Variants in RALGAPA2 observed in about 807,000 individuals in gnomAD.
The protein encoded by RALGAPA2 is Ral GTPase activating protein catalytic subunit alpha 2.
In RALGAPA2, 139 loss-of-function variants were observed where a neutral mutation model predicts 230.4. The observed-to-expected ratio is 0.60, with a 90% confidence interval of 0.53 to 0.69. The LOEUF (loss-of-function observed/expected upper bound fraction) is 0.69, where lower values mean the gene tolerates loss of function less well. Ranked by LOEUF, RALGAPA2 falls within the 30% of genes least tolerant of loss-of-function variation. The pLI, the probability that RALGAPA2 is intolerant of heterozygous loss-of-function variation, is 0.00. For synonymous variants in RALGAPA2, 847 were observed against 837.8 expected (o/e 1.01, Z -0.19); for missense variants, 2,163 against 2,276.0 (o/e 0.95, Z 1.01).
intron 38 of RALGAPA2, among the ~76,000 whole-genome samples, chr20:20,410,218 T>A (rs115381078): frequency 3.9e-5 from 6 of 152,370 alleles, no homozygotes; most frequent in African/African-American, 1.4e-4. Flanking sequence ...AGAATCTCAC[T>A]CATTTCTATT....
chr20:20,419,120 A>G lies in RALGAPA2; in HGVS notation c.5496-6972T>C, dbSNP rs147235187. On this transcript the variant is annotated intron_variant, in intron 37 of 39. Coordinates refer to ENST00000202677, the MANE Select transcript of RALGAPA2 (RefSeq NM_020343.4). ...ATGTAGGAAATGATAAAGAGCAAGG[A>G]AATAATAACCTGGGATTACCTCTGG... Among the ~76,000 whole-genome samples the G allele has an allele frequency of 2.9e-4, 44 of 152,320 alleles. 1 individual carries two copies. The East Asian group carries it at 7.5e-3, about 26-fold the overall frequency.
At chr20:20,602,813 C>T (rs1048922658) in intron 15 of RALGAPA2, among the ~76,000 whole-genome samples, 7 of 147,676 alleles carry the variant, frequency 4.7e-5, no homozygotes, top group Non-Finnish European at 6.0e-5. Context: ...GAATGGCAGG[C>T]GTGTGTGTGT....
intron 27 of RALGAPA2, among the ~76,000 whole-genome samples, chr20:20,528,414 G>A (rs965063900): frequency 6.6e-6 from 1 of 152,148 alleles, no homozygotes; most frequent in African/African-American, 2.4e-5. Context: ...GTATTGGCAG[G>A]GTGAGTGTGT....
intron 4 of RALGAPA2, among the ~76,000 whole-genome samples, chr20:20,646,899 T>A (rs1056854717): frequency 9.6e-4 from 5 of 5,184 alleles, no homozygotes; most frequent in Non-Finnish European, 2.1e-3. Context: ...TATGTACTTT[T>A]AATTTTTTTT....
intron 20 of RALGAPA2, among the ~76,000 whole-genome samples, chr20:20,578,788 T>C (rs1450660878): frequency 2.0e-5 from 3 of 152,212 alleles, no homozygotes; most frequent in African/African-American, 7.2e-5. Context: ...AGGCCTGGCC[T>C]GGATGTCAAT....
chr20:20,391,093 G>C lies in RALGAPA2; in HGVS notation c.*2196C>G, dbSNP rs550235610. ...AGCAATTCCGCAACAGGAGTTTCTA[G>C]AGCCTGAAGATGAAACGTTCTCCCA... On this transcript the variant is annotated 3_prime_UTR_variant, in exon 40 of 40. Coordinates refer to ENST00000202677, the MANE Select transcript of RALGAPA2 (RefSeq NM_020343.4). The C allele has an allele frequency of 6.6e-6, 1 of 152,322 alleles. No individual in the cohort carries two copies. The highest frequency in any genetic ancestry group is 2.1e-4 in the South Asian group (1 of 4,820). 9.4% of individuals were successfully genotyped at this position (152,322 alleles called of 1,614,324 possible). A position where few individuals can be genotyped will look rare whatever the true frequency, so the allele number is the denominator to read the frequency against.
At chr20:20,447,653 G>A (rs954888988) in intron 37 of RALGAPA2, among the ~76,000 whole-genome samples, 4 of 150,626 alleles carry the variant, frequency 2.7e-5, no homozygotes, top group African/African-American at 9.8e-5. Context: ...TTTTAACTAG[G>A]TCAAACAGTC....
At chr20:20,558,602 G>C (rs2064159815) in intron 23 of RALGAPA2, among the ~76,000 whole-genome samples, 1 of 152,204 alleles carries the variant, frequency 6.6e-6, no homozygotes, top group Non-Finnish European at 1.5e-5. Flanking sequence ...TGGGCATGGG[G>C]TGTAAGGGAG....
At chr20:20,591,010 G>T (rs2065272688) in intron 17 of RALGAPA2, among the ~76,000 whole-genome samples, 167 bp downstream of exon 17, 3 of 152,080 alleles carry the variant, frequency 2.0e-5, no homozygotes, top group Admixed American at 2.0e-4. Context: ...GGTTTAAATA[G>T]TGCAAATATT....
chr20:20,431,171 T>C (rs1268169398), intron 37 of RALGAPA2, among the ~76,000 whole-genome samples: 1 of 152,096 alleles, frequency 6.6e-6, no homozygotes, highest in East Asian at 1.9e-4. Flanking sequence ...GAAAACATCA[T>C]GGGGCATTTC....
intron 38 of RALGAPA2, among the ~76,000 whole-genome samples, chr20:20,402,325 T>TA (rs1293883198): frequency 6.6e-6 from 1 of 151,986 alleles, no homozygotes. Context: ...TTTGTAAGAG[T>TA]AAAAAAAGCT....
At chr20:20,640,925 G>GA (rs1335145725) in intron 5 of RALGAPA2, 47 bp from the exon 6 acceptor site, 1 of 1,479,978 alleles carries the variant, frequency 6.8e-7, no homozygotes, top group South Asian at 1.2e-5. Context: ...TGTATTTACA[G>GA]AAATGCATTA....
In RALGAPA2 at chr20:20,629,347, A is replaced by T; in HGVS notation, c.1233+16T>A. 1 of 1,524,274 alleles carries T rather than the reference A, an allele frequency of 6.6e-7. No individual in the cohort carries two copies. Among genetic ancestry groups the T allele is most frequent in the South Asian group, 1.2e-5 (1 of 84,752 alleles). The allele number at this position is 1,524,274 out of a possible 1,614,324, so 94.4% of individuals were successfully genotyped here. ...CACACACACACACACACACACACAC[A>T]CACACACACACTAACCTGGTGAAAT... On this transcript the variant is annotated intron_variant, in intron 10 of 39. Transcript: ENST00000202677.
At chr20:20,676,682 T>A (rs1178242501) in intron 2 of RALGAPA2, among the ~76,000 whole-genome samples, 2 of 152,164 alleles carry the variant, frequency 1.3e-5, no homozygotes, top group African/African-American at 4.8e-5. Context: ...AAGTAGTATA[T>A]CTTTTGGGGC....
intron 27 of RALGAPA2, among the ~76,000 whole-genome samples, chr20:20,531,265 A>G (rs1028331986): frequency 3.3e-5 from 5 of 152,236 alleles, no homozygotes; most frequent in Non-Finnish European, 7.3e-5. Context: ...AACAAAACAA[A>G]GAAACAAAGA....
intron 37 of RALGAPA2, among the ~76,000 whole-genome samples, chr20:20,420,949 T>G (rs545497292): frequency 6.6e-6 from 1 of 152,194 alleles, no homozygotes; most frequent in Admixed American, 6.5e-5. Flanking sequence ...GTATAGAGGA[T>G]GCACAAGAAA....
In RALGAPA2 at chr20:20,571,557, G is replaced by A. The variant is rs757677559; in HGVS notation, c.3057C>T (p.Ile1019=). ...KEGKLQAYRL[I]CAMMTRRQDV... The stretch of plus-strand genomic sequence containing the variant: ...CCTGGCGTCTGGTCATCATGGCACA[G>A]ATCAGCCTGTAGGCTTGTAGTTTGC... The change falls in exon 23 of 40, where the codon ATC becomes ATT. Residue 1019 remains isoleucine, a synonymous_variant. Coordinates refer to ENST00000202677, the MANE Select transcript of RALGAPA2 (RefSeq NM_020343.4). The A allele has an allele frequency of 6.2e-7, 1 of 1,612,434 alleles. No homozygotes were observed. The highest frequency in any genetic ancestry group is 1.1e-5 in the South Asian group (1 of 90,684).
rs1473841290 is a variant in RALGAPA2, at chr20:20,611,343, G to A, written c.1772C>T (p.Ala591Val). 6.2e-7 allele frequency: 1 copy of A among 1,613,096 alleles called. No individual in the cohort carries two copies. The highest frequency in any genetic ancestry group is 8.5e-7 in the Non-Finnish European group (1 of 1,179,356). The change falls in exon 14 of 40, where the codon GCC (alanine) becomes GTC (valine). Residue 591 changes from alanine to valine, a missense_variant. Transcript: ENST00000202677. ...AAATAGTAACCCTGCCAAGCTCTGG[G>A]CAAACAAGTCCTTTATTTGTTTATC... ...PKDKQIKDLF[A>V]QSLAGLLFRT...
At chr20:20,672,569 A>C (rs762148352) in intron 3 of RALGAPA2, among the ~76,000 whole-genome samples, 1 of 152,228 alleles carries the variant, frequency 6.6e-6, no homozygotes, top group African/African-American at 2.4e-5. Flanking sequence ...GATTTGTTCC[A>C]AACGAAGGGA....
Sources: gnomAD v4.1 joint callset for allele counts (sites outside exome capture counted in the v4.1 genomes callset) on GRCh38, gnomAD v4.1.1 for gene constraint, MANE v1.5 for transcripts, NCBI Gene and HGNC (gene_info 2026-07-23, HGNC 2026-07-21) for gene names.